MAGI3: variants seen among roughly 807,000 people sequenced by gnomAD.
MAGI3 encodes the protein membrane-associated guanylate kinase, WW and PDZ domain-containing protein 3.
MAGI3 carries 43 observed loss-of-function variants against 121.8 expected under a neutral mutation model. That is an observed-to-expected ratio of 0.35 (90% CI 0.28 to 0.46). The LOEUF (loss-of-function observed/expected upper bound fraction) is 0.46. MAGI3 is among the 20% of genes least tolerant of loss of function. The probability of loss-of-function intolerance (pLI) is 1.00; values close to 1 mark genes in which losing one functional copy is unlikely to be tolerated. For synonymous variants in MAGI3, 553 were observed against 639.3 expected (o/e 0.86, Z 2.04); for missense variants, 1,547 against 1,797.3 (o/e 0.86, Z 2.52).
chr1:113,522,411 A>G (rs1031197502), intron 1 of MAGI3, among the ~76,000 whole-genome samples: 2 of 152,162 alleles, frequency 1.3e-5, no homozygotes. Flanking sequence ...GGCCTGTCAT[A>G]TACTTTTTTA....
intron 7 of MAGI3, among the ~76,000 whole-genome samples, chr1:113,617,968 A>G (rs1455557367): frequency 6.6e-6 from 1 of 152,212 alleles, no homozygotes; most frequent in Non-Finnish European, 1.5e-5. Context: ...TTTAATAAGT[A>G]ACTACGTCTG....
intron 1 of MAGI3, among the ~76,000 whole-genome samples, chr1:113,536,241 C>T (rs1371395877): frequency 1.3e-5 from 2 of 151,272 alleles, no homozygotes; most frequent in African/African-American, 2.4e-5. Flanking sequence ...TTTAATTATA[C>T]ATGTATTTAA....
intron 9 of MAGI3, among the ~76,000 whole-genome samples, chr1:113,639,134 G>A (rs1407960725): frequency 6.6e-6 from 1 of 152,234 alleles, no homozygotes; most frequent in Non-Finnish European, 1.5e-5. Context: ...GGTGCCGTCT[G>A]TCACCCCTTT....
chr1:113,415,377 G>A lies in MAGI3; in HGVS notation c.316+24028G>A, dbSNP rs116567949. Among the ~76,000 whole-genome samples, 1,095 of 152,032 alleles carry A rather than the reference G, an allele frequency of 7.2e-3. 14 individuals are homozygous for A. The highest frequency in any genetic ancestry group is 0.024 in the African/African-American group (1,011 of 41,496). On this transcript the variant is annotated intron_variant, in intron 1 of 20. Transcript: ENST00000307546. ...TTTTGTAACCATCCCCATTCCCCAC[G>A]CCTGATAGAACATCTAACACTAATT...
chr1:113,437,806 T>TTTCTTCTTCTTCTTCTTCTTC (rs759591213), intron 1 of MAGI3, among the ~76,000 whole-genome samples: 8 of 119,500 alleles, frequency 6.7e-5, no homozygotes, highest in East Asian at 2.6e-4. Flanking sequence ...TCTTTCTTCT[T>TTTCTTCTTCTTCTTCTTCTTC]TTCTTCTTCT....
intron 1 of MAGI3, among the ~76,000 whole-genome samples, chr1:113,530,500 A>G (rs189601402): frequency 1.4e-4 from 22 of 152,128 alleles, no homozygotes; most frequent in African/African-American, 4.6e-4. Context: ...GTTGGGCACT[A>G]TGCTTATTAC....
intron 3 of MAGI3, among the ~76,000 whole-genome samples, chr1:113,583,324 AT>A (rs58776075): frequency 0.37 from 55,976 of 150,842 alleles, 12,007 homozygotes; most frequent in African/African-American, 0.58. Flanking sequence ...AACAATGCTA[AT>A]TTTTTTTTAA....
At chr1:113,654,104 A>C in intron 15 of MAGI3, 86 bp downstream of exon 15, 2 of 1,045,512 alleles carry the variant, frequency 1.9e-6, no homozygotes, top group Non-Finnish European at 2.8e-6. Flanking sequence ...ATTAGGAGCT[A>C]TGTATAAAAT....
At chr1:113,536,159 TAA>T (rs71090707) in intron 1 of MAGI3, among the ~76,000 whole-genome samples, 50 of 147,662 alleles carry the variant, frequency 3.4e-4, no homozygotes, top group Admixed American at 1.1e-3. Context: ...TTTTTTTTTT[TAA>T]AAAAATTTGA....
intron 1 of MAGI3, among the ~76,000 whole-genome samples, chr1:113,489,095 T>C (rs780835688): frequency 6.6e-6 from 1 of 152,176 alleles, no homozygotes; most frequent in Non-Finnish European, 1.5e-5. Flanking sequence ...GATCCTGCTG[T>C]CATTGCACTA....
chr1:113,587,541 T>G (rs938306096), intron 4 of MAGI3, among the ~76,000 whole-genome samples: 3 of 152,188 alleles, frequency 2.0e-5, no homozygotes, highest in Admixed American at 2.0e-4. Flanking sequence ...AGAAAATTGT[T>G]CGGGAGTAGA....
intron 2 of MAGI3, among the ~76,000 whole-genome samples, chr1:113,565,236 A>G (rs1660396015): frequency 6.6e-6 from 1 of 152,180 alleles, no homozygotes; most frequent in African/African-American, 2.4e-5. Context: ...CCAGAAAAAA[A>G]TGTATTTCAT....
intron 1 of MAGI3, among the ~76,000 whole-genome samples, chr1:113,435,339 C>A (rs1653514070): frequency 6.6e-6 from 1 of 151,956 alleles, no homozygotes; most frequent in African/African-American, 2.4e-5. Flanking sequence ...AATTCTTGAC[C>A]CTCAGCCTAA....
chr1:113,653,728 T>C (rs1427411124), intron 14 of MAGI3, 102 bp from the exon 15 acceptor site: 4 of 1,041,694 alleles, frequency 3.8e-6, no homozygotes, highest in African/African-American at 3.2e-5. Flanking sequence ...CTTTATGTTA[T>C]TAGAAACTGA....
intron 1 of MAGI3, among the ~76,000 whole-genome samples, chr1:113,528,983 C>T (rs1012341413): frequency 3.3e-5 from 5 of 152,052 alleles, no homozygotes; most frequent in Non-Finnish European, 5.9e-5. Flanking sequence ...TCATTTGTTT[C>T]TACTTGTTTT....
intron 1 of MAGI3, among the ~76,000 whole-genome samples, chr1:113,505,323 C>A (rs1471144510): frequency 6.6e-6 from 1 of 152,040 alleles, no homozygotes; most frequent in Non-Finnish European, 1.5e-5. Context: ...TTCTGCTTCA[C>A]CTTGGTCAGC....
intron 1 of MAGI3, among the ~76,000 whole-genome samples, chr1:113,460,643 A>G (rs897367514): frequency 6.6e-6 from 1 of 152,054 alleles, no homozygotes; most frequent in African/African-American, 2.4e-5. Context: ...CCCCATCTCT[A>G]CTAAAAATAC....
chr1:113,508,385 C>A (rs1184599028), intron 1 of MAGI3, among the ~76,000 whole-genome samples: 2 of 152,130 alleles, frequency 1.3e-5, no homozygotes, highest in East Asian at 3.9e-4. Flanking sequence ...CAAAAGGCTG[C>A]AATTCAAGTT....
intron 17 of MAGI3, 49 bp from the exon 18 acceptor site, chr1:113,672,566 T>C: frequency 1.3e-6 from 2 of 1,576,042 alleles, no homozygotes; most frequent in Non-Finnish European, 1.7e-6. Flanking sequence ...CTTTAGACTG[T>C]TTTTCATTTT....
Sources: gnomAD v4.1 joint callset for allele counts (sites outside exome capture counted in the v4.1 genomes callset) on GRCh38, gnomAD v4.1.1 for gene constraint, MANE v1.5 for transcripts, NCBI Gene and HGNC (gene_info 2026-07-23, HGNC 2026-07-21) for gene names.